Variants in FRY observed in about 807,000 individuals in gnomAD.
The protein encoded by FRY is FRY microtubule binding protein.
Under a neutral mutation model 348.4 loss-of-function variants are expected in FRY, and 128 were observed. That is an observed-to-expected ratio of 0.37 (90% CI 0.32 to 0.43). The LOEUF is 0.43. Among genes scored for constraint, FRY ranks in the 20% least tolerant of loss-of-function variants. The pLI, the probability that FRY is intolerant of heterozygous loss-of-function variation, is 1.00. For missense variants in FRY, 2,736 were observed against 3,695.2 expected (o/e 0.74, Z 6.73); for synonymous variants, 1,370 against 1,374.7 (o/e 1.00, Z 0.08).
intron 3 of FRY, among the ~76,000 whole-genome samples, chr13:32,108,252 G>A (rs1035960421): frequency 6.6e-6 from 1 of 152,160 alleles, no homozygotes; most frequent in African/African-American, 2.4e-5. Context: ...CTCAGGACCA[G>A]TTGCCTAGCT....
intron 36 of FRY, among the ~76,000 whole-genome samples, chr13:32,222,506 C>G (rs1277576032): frequency 6.6e-6 from 1 of 152,168 alleles, no homozygotes; most frequent in East Asian, 1.9e-4. Flanking sequence ...GCTACCGCGA[C>G]CAGCCAAAAC....
At chr13:32,290,714 A>G (rs1889298149) in intron 59 of FRY, among the ~76,000 whole-genome samples, 1 of 152,150 alleles carries the variant, frequency 6.6e-6, no homozygotes. Context: ...GGCTGCTGAA[A>G]TAGTTCAAAC....
intron 1 of FRY, among the ~76,000 whole-genome samples, chr13:32,047,308 G>A (rs907086341): frequency 3.3e-5 from 5 of 152,186 alleles, no homozygotes; most frequent in African/African-American, 1.2e-4. Flanking sequence ...GTATGACCAG[G>A]AACCAAAGAG....
intron 3 of FRY, among the ~76,000 whole-genome samples, chr13:32,112,372 G>C (rs1462343430): frequency 6.6e-6 from 1 of 152,102 alleles, no homozygotes; most frequent in Non-Finnish European, 1.5e-5. Flanking sequence ...AATGAGGTAA[G>C]TATTTAGTCC....
At chr13:32,245,350 A>G (rs1886736007) in intron 47 of FRY, among the ~76,000 whole-genome samples, 1 of 151,748 alleles carries the variant, frequency 6.6e-6, no homozygotes, top group African/African-American at 2.4e-5. Context: ...TTATCCTGTA[A>G]TCCCAGCACT....
intron 20 of FRY, among the ~76,000 whole-genome samples, chr13:32,175,922 A>G (rs1441670733): frequency 6.6e-6 from 1 of 152,236 alleles, no homozygotes; most frequent in East Asian, 1.9e-4. Context: ...CATTGTACTT[A>G]TCACTTAATA....
At chr13:32,108,956 T>TG (rs1877761005) in intron 3 of FRY, among the ~76,000 whole-genome samples, 1 of 152,070 alleles carries the variant, frequency 6.6e-6, no homozygotes. Context: ...GCCAGTGGGA[T>TG]GGGGCTGTAT....
chr13:32,076,726 T>G (rs867944232), intron 1 of FRY, among the ~76,000 whole-genome samples: 2 of 152,124 alleles, frequency 1.3e-5, no homozygotes, highest in African/African-American at 4.8e-5. Context: ...TTTAAGGAGA[T>G]TTATTGAGTA....
intron 17 of FRY, among the ~76,000 whole-genome samples, chr13:32,170,283 C>G (rs1217331098): frequency 6.6e-6 from 1 of 152,164 alleles, no homozygotes; most frequent in Non-Finnish European, 1.5e-5. Flanking sequence ...TGTTCATATA[C>G]AGTACAGCTA....
intron 14 of FRY, among the ~76,000 whole-genome samples, chr13:32,151,536 G>A (rs891648116): frequency 2.0e-5 from 3 of 152,236 alleles, no homozygotes; most frequent in Non-Finnish European, 4.4e-5. Context: ...TTCAGATTGG[G>A]TCTTAAATAA....
At chr13:32,282,329 G>C (rs775715633) in intron 58 of FRY, among the ~76,000 whole-genome samples, 3 of 152,058 alleles carry the variant, frequency 2.0e-5, no homozygotes, top group Non-Finnish European at 4.4e-5. Context: ...GGTAGAATGG[G>C]GATAAGTGAA....
intron 4 of FRY, among the ~76,000 whole-genome samples, chr13:32,119,584 A>G (rs1243010387): frequency 6.6e-6 from 1 of 152,162 alleles, no homozygotes; most frequent in East Asian, 1.9e-4. Context: ...CATCCAGCAC[A>G]AAAATACTCT....
intron 3 of FRY, among the ~76,000 whole-genome samples, chr13:32,112,346 G>T (rs2138674237): frequency 6.6e-6 from 1 of 151,910 alleles, no homozygotes; most frequent in South Asian, 2.1e-4. Flanking sequence ...CATCTCATTT[G>T]TCCTCTTAAA....
chr13:32,268,480 C>A (rs1888025127), intron 55 of FRY, among the ~76,000 whole-genome samples: 1 of 77,120 alleles, frequency 1.3e-5, no homozygotes, highest in African/African-American at 6.1e-5. Context: ...AAAGAGAAAG[C>A]TAGTTTAAAA....
intron 29 of FRY, among the ~76,000 whole-genome samples, chr13:32,194,965 A>T (rs1011697395): frequency 6.6e-6 from 1 of 152,200 alleles, no homozygotes; most frequent in African/African-American, 2.4e-5. Context: ...GAAAATATTC[A>T]TATAGAGTGT....
chr13:32,097,510 G>A (rs1011856877), intron 2 of FRY, among the ~76,000 whole-genome samples: 3 of 151,602 alleles, frequency 2.0e-5, no homozygotes, highest in East Asian at 1.9e-4. Context: ...ACAGGTGCCC[G>A]CCACCACACT....
At chr13:32,291,393 T>C (rs1355898637) in intron 59 of FRY, among the ~76,000 whole-genome samples, 1 of 151,102 alleles carries the variant, frequency 6.6e-6, no homozygotes, top group African/African-American at 2.4e-5. Flanking sequence ...CTTTACTTTT[T>C]CTTTTTCTTT....
In FRY at chr13:32,138,622, C is replaced by G. The variant is rs576498340; in HGVS notation, c.1179+1650C>G. On this transcript the variant is annotated intron_variant, in intron 11 of 60. Coordinates refer to ENST00000542859, the MANE Select transcript of FRY (RefSeq NM_023037.3). ...TATCCCTGTGCAAACTTTTCAAGCA[C>G]TAAGATTTCTAAGAGGCAGTAAGGC... Among the ~76,000 whole-genome samples the G allele has an allele frequency of 3.0e-4, 46 of 152,230 alleles. 1 individual carries two copies. The South Asian group carries it at 9.3e-3, about 31-fold the overall frequency.
chr13:32,102,952 C>A (rs992538000), intron 3 of FRY, among the ~76,000 whole-genome samples: 2 of 152,224 alleles, frequency 1.3e-5, no homozygotes, highest in South Asian at 4.1e-4. Flanking sequence ...AGGGTGTACA[C>A]TTTCTGTCGG....
Sources: gnomAD v4.1 joint callset for allele counts (sites outside exome capture counted in the v4.1 genomes callset) on GRCh38, gnomAD v4.1.1 for gene constraint, MANE v1.5 for transcripts, NCBI Gene and HGNC (gene_info 2026-07-23, HGNC 2026-07-21) for gene names.